Variants in KRTAP17-1 observed in about 807,000 individuals in gnomAD.
KRTAP17-1 encodes keratin associated protein 17-1.
Under a neutral mutation model 10.4 loss-of-function variants are expected in KRTAP17-1, and 2 were observed. The ratio of observed to expected loss-of-function variants is 0.19; its 90% confidence interval spans 0.08 to 0.61. The LOEUF is 0.61. Among genes scored for constraint, KRTAP17-1 ranks in the 20% least tolerant of loss-of-function variants. KRTAP17-1 has a pLI of 0.89. For missense variants in KRTAP17-1, 143 were observed against 136.8 expected (o/e 1.05, Z -0.23); for synonymous variants, 62 against 52.7 (o/e 1.18, Z -0.77).
Position 41,315,272 on chromosome 17 carries a change from GT to G in KRTAP17-1, c.*60del. 3 of 1,495,770 alleles carry G rather than the reference GT, an allele frequency of 2.0e-6. No individual in the cohort carries two copies. Among genetic ancestry groups the G allele is most frequent in the Non-Finnish European group, 2.7e-6 (3 of 1,103,910 alleles). The allele number at this position is 1,495,770 out of a possible 1,614,324, so 92.7% of individuals were successfully genotyped here. On this transcript the variant is annotated 3_prime_UTR_variant, in exon 1 of 1. Coordinates refer to ENST00000334202, the MANE Select transcript of KRTAP17-1 (RefSeq NM_031964.2). ...TGGAAGGTTCTGGACACGAGGGGCT[GT>G]CCCCCTGGAGCAGATGGAGGCTTTC... is the stretch of plus-strand genomic sequence containing the variant.
At position 41,315,652 on chromosome 17, in the gene KRTAP17-1, G is replaced by A. The variant is rs1252179348; in HGVS notation, c.-2C>T. 3.8e-6 allele frequency: 6 copies of A among 1,587,024 alleles called. No homozygotes were observed. Among genetic ancestry groups the A allele is most frequent in the Non-Finnish European group, 5.2e-6 (6 of 1,162,960 alleles). On this transcript the variant is annotated 5_prime_UTR_variant, in exon 1 of 1. Coordinates refer to ENST00000334202, the MANE Select transcript of KRTAP17-1 (RefSeq NM_031964.2). ...GCAGTCCCCCGGGCAGCACCCCATG[G>A]TCCGGGCCCGTCAGCTCGCAGGTCG...
At position 41,315,526 on chromosome 17, in the gene KRTAP17-1, C is replaced by T. The variant is rs78413710; in HGVS notation, c.125G>A (p.Gly42Asp). The T allele has an allele frequency of 0.17, 280,324 of 1,607,940 alleles. 25,401 individuals carry two copies. The highest frequency in any genetic ancestry group is 0.3 in the East Asian group (13,345 of 44,572). ...GCCCCCGCAGCCAGAGCCCCCGCAG[C>T]CAGAGCCCCCACAGCCACAGCAGGA... The part of the protein sequence containing the change: ...CGSCCGCGGS[G>D]CGGSGCGGSC... Residue 42 changes from glycine (G) to aspartate (D), a missense_variant, in exon 1 of 1, where the codon GGC becomes GAC. Coordinates refer to ENST00000334202, the MANE Select transcript of KRTAP17-1 (RefSeq NM_031964.2).
rs1484058370 is a variant in KRTAP17-1, at chr17:41,315,550, G to A, written c.101C>T (p.Ser34Phe). The A allele has an allele frequency of 1.6e-5, 25 of 1,611,572 alleles. No individual in the cohort carries two copies. The highest frequency in any genetic ancestry group is 4.5e-5 in the East Asian group (2 of 44,830). The change falls in exon 1 of 1, where the codon TCC becomes TTC. Residue 34 changes from serine (S) to phenylalanine (F), a missense_variant. Ser to Phe is a radical substitution (Grantham distance 155). Transcript: ENST00000334202. ...CQPGCCGCCG[S>F]CCGCGGSGCG... ...GCCAGAGCCCCCACAGCCACAGCAG[G>A]AGCCGCAGCAGCCACAGCAGCCCGG...
In KRTAP17-1 at chr17:41,315,616, C is replaced by T. The variant is rs866632835; in HGVS notation, c.35G>A (p.Cys12Tyr). ...TTCACAGCAGTTTTGCTCCTGGGTG[C>T]AGCAGGTGAAGCAGTCCCCCGGGCA... ...GCCPGDCFTC[C>Y]TQEQNCCEEC... is the part of the protein sequence containing the mutation. Residue 12 changes from cysteine (C) to tyrosine (Y), a missense_variant, in exon 1 of 1, where the codon TGC becomes TAC. Coordinates refer to ENST00000334202, the MANE Select transcript of KRTAP17-1 (RefSeq NM_031964.2). 4 of 1,612,614 alleles carry T rather than the reference C, an allele frequency of 2.5e-6. No homozygotes were observed. In the Middle Eastern group the frequency reaches 4.9e-4, roughly 199 times the overall value.
rs764417382 is a variant in KRTAP17-1 at position 41,315,437 on chromosome 17, C to T, written c.214G>A (p.Gly72Arg). 5 of 1,603,520 alleles carry T rather than the reference C, an allele frequency of 3.1e-6. No homozygotes were observed. The South Asian group carries it at 4.4e-5, about 14-fold the overall frequency. ...CAACTGGATCCACAGCAGCCACCCC[C>T]GCAGCCTCCGCAGCCTCCACAGCCT... ...CGGCGGCGGC[G>R]GGCCGSSCCG... Residue 72 changes from glycine to arginine, a missense_variant, in exon 1 of 1, where the codon GGG becomes AGG. Coordinates refer to ENST00000334202, the MANE Select transcript of KRTAP17-1 (RefSeq NM_031964.2).
At position 41,315,458 on chromosome 17, in the gene KRTAP17-1, A is replaced by G. The variant is rs144652549; in HGVS notation, c.193T>C (p.Cys65Arg). ...CCCCCGCAGCCTCCGCAGCCTCCAC[A>G]GCCTCCGCAGCCAGATCCACAGCAA... ...SSCCGSGCGG[C>R]GGCGGCGGGC... is the part of the protein sequence containing the mutation. Residue 65 changes from cysteine to arginine, a missense_variant, in exon 1 of 1, where the codon TGT becomes CGT. Transcript: ENST00000334202. 107 of 1,599,884 alleles carry G rather than the reference A, an allele frequency of 6.7e-5. No homozygotes were observed. In the African/African-American group the frequency reaches 1.4e-3, roughly 20 times the overall value.
rs2144218316 is a variant in KRTAP17-1 at position 41,315,004 on chromosome 17, G to C, written c.*329C>G. On this transcript the variant is annotated 3_prime_UTR_variant, in exon 1 of 1. Transcript: ENST00000334202. ...CAAAGCTGCAGAAAGCCAGGGCGGA[G>C]GATCAGTCCCAAAGACACCTTGAAG... The C allele has an allele frequency of 3.9e-6, 1 of 256,680 alleles. No homozygotes were observed. The highest frequency in any genetic ancestry group is 7.5e-5 in the East Asian group (1 of 13,306). 15.9% of individuals were successfully genotyped at this position (256,680 alleles called of 1,614,324 possible). A position where few individuals can be genotyped will look rare whatever the true frequency, so the allele number is the denominator to read the frequency against.
Position 41,315,401 on chromosome 17 carries a change from T to C in KRTAP17-1, c.250A>G (p.Ser84Gly). The change falls in exon 1 of 1, where the codon AGT becomes GGT. Residue 84 changes from serine to glycine, a missense_variant. Coordinates refer to ENST00000334202, the MANE Select transcript of KRTAP17-1 (RefSeq NM_031964.2). ...CCACAGCACCCGGAGCCGCAGCAAC[T>C]GGACCCACAGCAACTGGATCCACAG... Reference protein sequence around the residue: ...GCCGSSCCGSSCCGSGCCGPV... With the variant: ...GCCGSSCCGSGCCGSGCCGPV... 6.2e-7 allele frequency: 1 copy of C among 1,612,740 alleles called. No homozygotes were observed. Among genetic ancestry groups the C allele is most frequent in the Non-Finnish European group, 8.5e-7 (1 of 1,179,850 alleles).
chr17:41,315,433 C>G lies in KRTAP17-1; in HGVS notation c.218G>C (p.Gly73Ala), dbSNP rs1191573220. The change falls in exon 1 of 1, where the codon GGT (glycine) becomes GCT (alanine). Residue 73 changes from glycine to alanine, a missense_variant. Physicochemically the swap from Gly to Ala is moderately conservative, Grantham distance 60. Coordinates refer to ENST00000334202, the MANE Select transcript of KRTAP17-1 (RefSeq NM_031964.2). ...ACAGCAACTGGATCCACAGCAGCCA[C>G]CCCCGCAGCCTCCGCAGCCTCCACA... ...GGCGGCGGCG[G>A]GCCGSSCCGS... 3 of 1,608,860 alleles carry G rather than the reference C, an allele frequency of 1.9e-6. No homozygotes were observed. The highest frequency in any genetic ancestry group is 1.7e-6 in the Non-Finnish European group (2 of 1,178,106).
chr17:41,315,336 T>C lies in KRTAP17-1; in HGVS notation c.315A>G (p.Lys105=), dbSNP rs980642181. The change falls in exon 1 of 1, where the codon AAA becomes AAG. Residue 105 remains lysine (K), a synonymous_variant. Coordinates refer to ENST00000334202, the MANE Select transcript of KRTAP17-1 (RefSeq NM_031964.2). The stretch of plus-strand genomic sequence containing the variant: ...TCAGTGGTGGAGGGAAAGGTCTTCA[T>C]TTTGTGTCGCATATAGGTGTGGGCT... ...CCQPTPICDT[K] is the part of the protein sequence containing the mutation. 7 of 1,602,210 alleles carry C rather than the reference T, an allele frequency of 4.4e-6. No individual in the cohort carries two copies. The East Asian group carries it at 1.3e-4, about 31-fold the overall frequency.
Position 41,315,710 on chromosome 17 carries a change from T to A in KRTAP17-1, c.-60A>T. The stretch of plus-strand genomic sequence containing the variant: ...AGCCGGAGTTCCCCACGACTGACGG[T>A]GGCCAGCCATCTGGATGGCAGCTTT... On this transcript the variant is annotated 5_prime_UTR_variant, in exon 1 of 1. Coordinates refer to ENST00000334202, the MANE Select transcript of KRTAP17-1 (RefSeq NM_031964.2). 6.8e-7 allele frequency: 1 copy of A among 1,474,494 alleles called. No homozygotes were observed. Among genetic ancestry groups the A allele is most frequent in the Non-Finnish European group, 9.2e-7 (1 of 1,088,826 alleles). 91.3% of individuals were successfully genotyped at this position (1,474,494 alleles called of 1,614,324 possible).
Position 41,315,668 on chromosome 17 carries a change from TCGCAGGTCGGTAA to T in KRTAP17-1, c.-31_-19del. ...CACCCCATGGTCCGGGCCCGTCAGC[TCGCAGGTCGGTAA>T]CGCAGCCGGAGTTCCCCACGACTGA... On this transcript the variant is annotated 5_prime_UTR_variant, in exon 1 of 1. Transcript: ENST00000334202. The T allele has an allele frequency of 5.1e-6, 8 of 1,573,912 alleles. No individual in the cohort carries two copies. Among genetic ancestry groups the T allele is most frequent in the Non-Finnish European group, 6.9e-6 (8 of 1,156,364 alleles).
Position 41,315,662 on chromosome 17 carries a change from G to T in KRTAP17-1, c.-12C>A. ...GGGCAGCACCCCATGGTCCGGGCCCGTCAGCTCGCAGGTCGGTAACGCAGC... is the reference window on the plus strand; with the variant it reads ...GGGCAGCACCCCATGGTCCGGGCCCTTCAGCTCGCAGGTCGGTAACGCAGC... On this transcript the variant is annotated 5_prime_UTR_variant, in exon 1 of 1. Coordinates refer to ENST00000334202, the MANE Select transcript of KRTAP17-1 (RefSeq NM_031964.2). The T allele has an allele frequency of 1.3e-6, 2 of 1,580,290 alleles. No homozygotes were observed. The highest frequency in any genetic ancestry group is 1.7e-6 in the Non-Finnish European group (2 of 1,159,680).
chr17:41,314,985 T>A lies in KRTAP17-1; in HGVS notation c.*348A>T, dbSNP rs80235743. The A allele has an allele frequency of 0.15, 33,981 of 222,726 alleles. 3,042 individuals are homozygous for A. The highest frequency in any genetic ancestry group is 0.31 in the East Asian group (3,078 of 10,048). 13.8% of individuals were successfully genotyped at this position (222,726 alleles called of 1,614,324 possible). A position where few individuals can be genotyped will look rare whatever the true frequency, so the allele number is the denominator to read the frequency against. ...ATGGACCTTTTTTGCATCTCAAAGCTGCAGAAAGCCAGGGCGGAGGATCAG... is the reference window on the plus strand; with the variant it reads ...ATGGACCTTTTTTGCATCTCAAAGCAGCAGAAAGCCAGGGCGGAGGATCAG... On this transcript the variant is annotated 3_prime_UTR_variant, in exon 1 of 1. Transcript: ENST00000334202.
In KRTAP17-1 at chr17:41,315,132, A is replaced by G; in HGVS notation, c.*201T>C. ...GATCACTTAGTTGTGACCGAGTTTT[A>G]ATGTTTCATCAGAGTATGGCTCTTG... On this transcript the variant is annotated 3_prime_UTR_variant, in exon 1 of 1. Coordinates refer to ENST00000334202, the MANE Select transcript of KRTAP17-1 (RefSeq NM_031964.2). 2 of 593,452 alleles carry G rather than the reference A, an allele frequency of 3.4e-6. No homozygotes were observed. The highest frequency in any genetic ancestry group is 4.5e-5 in the South Asian group (2 of 44,472). The allele number at this position is 593,452 out of a possible 1,614,324, so 36.8% of individuals were successfully genotyped here.
Position 41,315,240 on chromosome 17 carries a change from G to T in KRTAP17-1, c.*93C>A. 3 of 1,218,910 alleles carry T rather than the reference G, an allele frequency of 2.5e-6. No homozygotes were observed. The South Asian group carries it at 4.2e-5, about 17-fold the overall frequency. 75.5% of individuals were successfully genotyped at this position (1,218,910 alleles called of 1,614,324 possible). A position where few individuals can be genotyped will look rare whatever the true frequency, so the allele number is the denominator to read the frequency against. The stretch of plus-strand genomic sequence containing the variant: ...TCACAGAAAGACAAGACACTGTCTT[G>T]GGGGTATGGAAGGTTCTGGACACGA... On this transcript the variant is annotated 3_prime_UTR_variant, in exon 1 of 1. Transcript: ENST00000334202.
Position 41,315,458 on chromosome 17 carries a change from A to T in KRTAP17-1, c.193T>A (p.Cys65Ser). 1 of 1,599,884 alleles carries T rather than the reference A, an allele frequency of 6.3e-7. No individual in the cohort carries two copies. The highest frequency in any genetic ancestry group is 8.5e-7 in the Non-Finnish European group (1 of 1,173,170). The change falls in exon 1 of 1, where the codon TGT becomes AGT. Residue 65 changes from cysteine (C) to serine (S), a missense_variant. Cys to Ser is a moderately radical substitution (Grantham distance 112). Transcript: ENST00000334202. ...SSCCGSGCGG[C>S]GGCGGCGGGC... ...CCCCCGCAGCCTCCGCAGCCTCCAC[A>T]GCCTCCGCAGCCAGATCCACAGCAA...
chr17:41,315,659 C>A lies in KRTAP17-1; in HGVS notation c.-9G>T, dbSNP rs1031478786. On this transcript the variant is annotated 5_prime_UTR_variant, in exon 1 of 1. Coordinates refer to ENST00000334202, the MANE Select transcript of KRTAP17-1 (RefSeq NM_031964.2). ...CCCGGGCAGCACCCCATGGTCCGGG[C>A]CCGTCAGCTCGCAGGTCGGTAACGC... 7 of 1,582,618 alleles carry A rather than the reference C, an allele frequency of 4.4e-6. No homozygotes were observed. In the African/African-American group the frequency reaches 8.1e-5, roughly 18 times the overall value.
Position 41,315,505 on chromosome 17 carries a change from C to T in KRTAP17-1, c.146G>A (p.Gly49Glu), listed in dbSNP as rs2017048058. The T allele has an allele frequency of 9.3e-7, 1 of 1,074,968 alleles. No homozygotes were observed. The highest frequency in any genetic ancestry group is 2.5e-5 in the African/African-American group (1 of 40,358). 66.6% of individuals were successfully genotyped at this position (1,074,968 alleles called of 1,614,324 possible). The change falls in exon 1 of 1, where the codon GGG becomes GAG. Residue 49 changes from glycine to glutamate, a missense_variant. Physicochemically the swap from Gly to Glu is moderately conservative, Grantham distance 98. Transcript: ENST00000334202. ...GGSGCGGSGCGGSCCGSSCCG... is the reference protein window; with the variant it reads ...GGSGCGGSGCEGSCCGSSCCG... ...GCAAGACGATCCGCAGCAGCTGCCCCCGCAGCCAGAGCCCCCGCAGCCAGA... is the reference window on the plus strand; with the variant it reads ...GCAAGACGATCCGCAGCAGCTGCCCTCGCAGCCAGAGCCCCCGCAGCCAGA...
Sources: gnomAD v4.1 joint callset for allele counts on GRCh38, gnomAD v4.1.1 for gene constraint, MANE v1.5 for transcripts, NCBI Gene and HGNC (gene_info 2026-07-23, HGNC 2026-07-21) for gene names.